Variants in PTCSC3 observed in about 807,000 individuals in gnomAD.
PTCSC3 encodes the protein papillary thyroid carcinoma susceptibility candidate 3 (non-protein coding).
intron 3 of PTCSC3, among the ~76,000 whole-genome samples, chr14:36,148,836 A>G (rs1566505134): frequency 1.3e-5 from 2 of 152,138 alleles, no homozygotes; most frequent in Non-Finnish European, 2.9e-5. Context: ...AGTCTTTATT[A>G]TCCTTTTATT....
intron 3 of PTCSC3, among the ~76,000 whole-genome samples, chr14:36,137,811 C>G (rs1038400902): frequency 6.6e-6 from 1 of 152,098 alleles, no homozygotes. Flanking sequence ...ATACTTATAT[C>G]TTAATATGTG....
chr14:36,159,213 T>G (rs1286447533), intron 2 of PTCSC3, among the ~76,000 whole-genome samples: 2 of 99,872 alleles, frequency 2.0e-5, no homozygotes, highest in East Asian at 4.8e-4. Flanking sequence ...ATTCATTGAT[T>G]TTTTGAAGGG....
chr14:36,135,126 T>C (rs1331064860), downstream of PTCSC3, among the ~76,000 whole-genome samples: 1 of 152,216 alleles, frequency 6.6e-6, no homozygotes, highest in Non-Finnish European at 1.5e-5. Flanking sequence ...TACTTTTAAT[T>C]ACTTTTAGAG....
chr14:36,170,415 A>C (rs1882170075), intron 1 of PTCSC3, among the ~76,000 whole-genome samples: 1 of 152,152 alleles, frequency 6.6e-6, no homozygotes, highest in Admixed American at 6.5e-5. Flanking sequence ...ATTGGCGTTG[A>C]AACTAAACAT....
intron 2 of PTCSC3, among the ~76,000 whole-genome samples, chr14:36,154,105 G>A (rs532052940): frequency 4.6e-5 from 7 of 151,818 alleles, no homozygotes; most frequent in Admixed American, 2.6e-4. Context: ...TTAAGTGAGC[G>A]GAGACAGAAT....
chr14:36,162,615 A>G (rs1881991134), intron 2 of PTCSC3: 1 of 152,236 alleles, frequency 6.6e-6, no homozygotes, highest in Non-Finnish European at 1.5e-5. Flanking sequence ...AAATGCAGAA[A>G]TCACTTACCT....
At chr14:36,148,668 T>G (rs1453432258) in intron 3 of PTCSC3, among the ~76,000 whole-genome samples, 2 of 152,256 alleles carry the variant, frequency 1.3e-5, no homozygotes, top group Non-Finnish European at 2.9e-5. Context: ...CTGTTCCTAT[T>G]CGGCCATCTT....
chr14:36,167,763 A>G lies in PTCSC3; in HGVS notation n.172-5080T>C, dbSNP rs1331444420. 2.6e-5 allele frequency among the ~76,000 whole-genome samples: 4 copies of G among 152,138 alleles called. No homozygotes were observed. The East Asian group carries it at 7.7e-4, about 29-fold the overall frequency. On this transcript the variant is annotated intron_variant and non_coding_transcript_variant, in intron 1 of 3. Coordinates refer to ENST00000556013, the Ensembl canonical transcript of PTCSC3. ...TGGACTTAGGGAAAGCACTTAGGAA[A>G]CCTCATAGTCTGCCCGTCAGAGGGG...
intron 2 of PTCSC3, among the ~76,000 whole-genome samples, chr14:36,160,006 A>G (rs1169143): frequency 0.64 from 97,325 of 151,874 alleles, 31,517 homozygotes; most frequent in Middle Eastern, 0.7. Flanking sequence ...TTTGATCTTT[A>G]TTGGTTTAAA....
chr14:36,149,637 A>G (rs1881678345), intron 3 of PTCSC3, among the ~76,000 whole-genome samples: 1 of 152,200 alleles, frequency 6.6e-6, no homozygotes, highest in Admixed American at 6.5e-5. Flanking sequence ...TGCATAATGT[A>G]TTCTGGTTCT....
At chr14:36,143,670 C>T (rs1308000175) in intron 3 of PTCSC3, among the ~76,000 whole-genome samples, 1 of 148,654 alleles carries the variant, frequency 6.7e-6, no homozygotes, top group Non-Finnish European at 1.5e-5. Flanking sequence ...TAATTAGATC[C>T]CATTTGTCAA....
At chr14:36,164,812 A>C (rs1289491123) in intron 1 of PTCSC3, among the ~76,000 whole-genome samples, 1 of 152,224 alleles carries the variant, frequency 6.6e-6, no homozygotes, top group Non-Finnish European at 1.5e-5. Context: ...CCTGTAGAAC[A>C]TTAACAGAAA....
intron 3 of PTCSC3, among the ~76,000 whole-genome samples, chr14:36,142,162 G>A (rs1881437828): frequency 6.6e-6 from 1 of 151,970 alleles, no homozygotes; most frequent in African/African-American, 2.4e-5. Context: ...GGAAGTTTTT[G>A]GTAGATATTC....
intron 1 of PTCSC3, among the ~76,000 whole-genome samples, chr14:36,166,116 A>G (rs763789471): frequency 1.2e-4 from 18 of 151,904 alleles, no homozygotes; most frequent in Non-Finnish European, 2.5e-4. Flanking sequence ...AAGTCTTCAT[A>G]TTGTTTTGTC....
At chr14:36,141,772 A>C (rs560161169) in intron 3 of PTCSC3, among the ~76,000 whole-genome samples, 31 of 152,228 alleles carry the variant, frequency 2.0e-4, no homozygotes, top group African/African-American at 7.2e-4. Flanking sequence ...TCAGATTTAC[A>C]CCTAGTTATT....
At chr14:36,151,293 C>T (rs899743445) in intron 3 of PTCSC3, among the ~76,000 whole-genome samples, 1 of 152,022 alleles carries the variant, frequency 6.6e-6, no homozygotes, top group African/African-American at 2.4e-5. Flanking sequence ...CCCCCCCGCC[C>T]CTGCCCTCTG....
At chr14:36,175,774 G>A (rs1006466917) in intron 1 of PTCSC3, among the ~76,000 whole-genome samples, 1 of 152,166 alleles carries the variant, frequency 6.6e-6, no homozygotes, top group African/African-American at 2.4e-5. Context: ...TGAACACTAA[G>A]AAAACCTAGT....
At chr14:36,165,649 A>T (rs1027903462) in intron 1 of PTCSC3, among the ~76,000 whole-genome samples, 10 of 151,998 alleles carry the variant, frequency 6.6e-5, no homozygotes, top group Non-Finnish European at 8.8e-5. Context: ...CCTTTCCTTT[A>T]ACTCAACTGT....
At chr14:36,158,314 G>A (rs544684963) in intron 2 of PTCSC3, among the ~76,000 whole-genome samples, 1 of 152,162 alleles carries the variant, frequency 6.6e-6, no homozygotes. Flanking sequence ...GGGAGAGAGG[G>A]CATCCTTGTC....
Sources: gnomAD v4.1 joint callset for allele counts (sites outside exome capture counted in the v4.1 genomes callset) on GRCh38, gnomAD v4.1.1 for gene constraint, MANE v1.5 for transcripts, NCBI Gene and HGNC (gene_info 2026-07-23, HGNC 2026-07-21) for gene names.